AOAH: variants seen among roughly 807,000 people sequenced by gnomAD.
AOAH encodes the protein acyloxyacyl hydrolase (neutrophil).
In AOAH, 64 loss-of-function variants were observed where a neutral mutation model predicts 92.2. The observed-to-expected ratio is 0.69, with a 90% CI of 0.57 to 0.86. The LOEUF (loss-of-function observed/expected upper bound fraction) is 0.86, where lower values mean the gene tolerates loss of function less well. Among genes scored for constraint, AOAH ranks in the 40% least tolerant of loss-of-function variants. The probability of loss-of-function intolerance (pLI) is 0.00; values close to 1 mark genes in which losing one functional copy is unlikely to be tolerated. For missense variants in AOAH, 656 were observed against 694.6 expected (o/e 0.94, Z 0.62); for synonymous variants, 263 against 254.5 (o/e 1.03, Z -0.32).
chr7:36,634,431 T>C (rs1793371901), intron 5 of AOAH, among the ~76,000 whole-genome samples: 1 of 152,134 alleles, frequency 6.6e-6, no homozygotes, highest in Non-Finnish European at 1.5e-5. Flanking sequence ...CAGCCCCCAG[T>C]CACGTACCCC....
At chr7:36,679,151 TAA>T (rs1244503195) in intron 2 of AOAH, among the ~76,000 whole-genome samples, 2 of 152,204 alleles carry the variant, frequency 1.3e-5, no homozygotes, top group Admixed American at 6.5e-5. Flanking sequence ...TTCCAATTTG[TAA>T]GTTACCTTCA....
intron 15 of AOAH, among the ~76,000 whole-genome samples, chr7:36,545,798 C>G (rs183341450): frequency 1.2e-4 from 19 of 152,270 alleles, no homozygotes; most frequent in Admixed American, 1.2e-3. Flanking sequence ...TTACCATGTT[C>G]GTTTCAGGGA....
chr7:36,589,902 T>C (rs1789624662), intron 12 of AOAH, among the ~76,000 whole-genome samples: 1 of 152,184 alleles, frequency 6.6e-6, no homozygotes, highest in Non-Finnish European at 1.5e-5. Flanking sequence ...GAAAGTGATC[T>C]GAACATGAAG....
rs753577532 is a variant in AOAH, at chr7:36,621,796, A to C, written c.583-16T>G. 2 of 1,613,708 alleles carry C rather than the reference A, an allele frequency of 1.2e-6. No homozygotes were observed. Among genetic ancestry groups the C allele is most frequent in the Non-Finnish European group, 1.7e-6 (2 of 1,179,618 alleles). On this transcript the variant is annotated splice_polypyrimidine_tract_variant and intron_variant, in intron 7 of 20. Coordinates refer to ENST00000617537, the MANE Select transcript of AOAH (RefSeq NM_001637.4). ...CCCGCAGTGTCTGAAATTGAAGAGC[A>C]CACACAGGAGGGGTTCAGCCTGCTT...
At chr7:36,515,163 ACACACACAAACATCACACATACCCCC>A (rs1171569285) in intron 20 of AOAH, among the ~76,000 whole-genome samples, 16 of 122,202 alleles carry the variant, frequency 1.3e-4, no homozygotes, top group Admixed American at 9.0e-5. Context: ...ACCCCACACC[ACACACACAAACATCACACATACCCCC>A]CACACACCAC....
Position 36,565,823 on chromosome 7 carries a change from G to A in AOAH, c.1021+10751C>T, listed in dbSNP as rs1787667541. Among the ~76,000 whole-genome samples the A allele has an allele frequency of 2.0e-5, 3 of 152,086 alleles. No individual in the cohort carries two copies. The South Asian group carries it at 6.2e-4, about 32-fold the overall frequency. ...CCCAATGTGTTGAGATTACAGGCATGAGACACCGTGCCTGGCCAAATGTGA... is the reference window on the plus strand; with the variant it reads ...CCCAATGTGTTGAGATTACAGGCATAAGACACCGTGCCTGGCCAAATGTGA... On this transcript the variant is annotated intron_variant, in intron 13 of 20. Transcript: ENST00000617537.
At chr7:36,699,901 GT>G (rs1288758859) in intron 1 of AOAH, among the ~76,000 whole-genome samples, 1 of 151,872 alleles carries the variant, frequency 6.6e-6, no homozygotes, top group East Asian at 1.9e-4. Context: ...CTCCCCCAAT[GT>G]TTTCTTCTAG....
chr7:36,638,714 T>G (rs1445763319), intron 4 of AOAH, among the ~76,000 whole-genome samples: 1 of 152,168 alleles, frequency 6.6e-6, no homozygotes, highest in Non-Finnish European at 1.5e-5. Flanking sequence ...GCCTGCTACC[T>G]GTACAGCCCT....
chr7:36,557,271 T>G, intron 13 of AOAH, among the ~76,000 whole-genome samples: 1 of 152,236 alleles, frequency 6.6e-6, no homozygotes, highest in Non-Finnish European at 1.5e-5. Context: ...TATGAAATTC[T>G]GGGTTGAAAA....
chr7:36,696,637 GGA>G lies in AOAH; in HGVS notation c.128-9845_128-9844del, dbSNP rs1797728365. 7.9e-5 allele frequency among the ~76,000 whole-genome samples: 12 copies of G among 152,208 alleles called. No individual in the cohort carries two copies. In the South Asian group the frequency reaches 2.5e-3, roughly 32 times the overall value. On this transcript the variant is annotated intron_variant, in intron 1 of 20. Coordinates refer to ENST00000617537, the MANE Select transcript of AOAH (RefSeq NM_001637.4). ...AGCACTTTGGGAGGCTGAGGCGGGT[GGA>G]TCATGAGGTCAGGAGTTCAAGACCA...
chr7:36,585,365 A>G (rs758263170), intron 12 of AOAH, among the ~76,000 whole-genome samples: 3 of 152,200 alleles, frequency 2.0e-5, no homozygotes, highest in Non-Finnish European at 4.4e-5. Context: ...AACAATATCC[A>G]GTATTGGCAA....
chr7:36,590,661 A>C (rs1789678255), intron 12 of AOAH, among the ~76,000 whole-genome samples: 1 of 152,226 alleles, frequency 6.6e-6, no homozygotes, highest in Non-Finnish European at 1.5e-5. Context: ...CCATAGCAGA[A>C]GGCTGATCAT....
intron 13 of AOAH, among the ~76,000 whole-genome samples, chr7:36,550,666 C>T (rs996227234): frequency 1.3e-5 from 2 of 152,160 alleles, no homozygotes; most frequent in Non-Finnish European, 2.9e-5. Flanking sequence ...GTCTTTTTGT[C>T]CCCAAGAGAC....
At chr7:36,517,214 C>CTTTCTTT (rs59205788) in intron 20 of AOAH, among the ~76,000 whole-genome samples, 2 of 104,830 alleles carry the variant, frequency 1.9e-5, no homozygotes, top group African/African-American at 4.0e-5. Context: ...TTCTTTCTTT[C>CTTTCTTT]TCTTTCTTTC....
chr7:36,652,488 G>C (rs1250924131), intron 4 of AOAH, among the ~76,000 whole-genome samples: 1 of 152,158 alleles, frequency 6.6e-6, no homozygotes, highest in Non-Finnish European at 1.5e-5. Context: ...TGGCCTCACT[G>C]AGTGCAGGCT....
chr7:36,628,478 T>C (rs1219103734), intron 6 of AOAH, among the ~76,000 whole-genome samples: 1 of 152,156 alleles, frequency 6.6e-6, no homozygotes, highest in East Asian at 1.9e-4. Context: ...TTCATTGAGC[T>C]CCTCCTGCTA....
chr7:36,549,062 A>C (rs1562557854), intron 14 of AOAH, among the ~76,000 whole-genome samples: 1 of 152,204 alleles, frequency 6.6e-6, no homozygotes, highest in Non-Finnish European at 1.5e-5. Flanking sequence ...CCGTGGACCC[A>C]TAGTCAACTT....
intron 11 of AOAH, among the ~76,000 whole-genome samples, chr7:36,607,324 T>C (rs956774331): frequency 5.3e-5 from 8 of 152,184 alleles, no homozygotes; most frequent in African/African-American, 1.9e-4. Flanking sequence ...TGCCAGACAA[T>C]ACGATCAGGT....
At chr7:36,655,052 A>T (rs542631485) in intron 4 of AOAH, among the ~76,000 whole-genome samples, 3 of 152,198 alleles carry the variant, frequency 2.0e-5, no homozygotes, top group African/African-American at 7.2e-5. Context: ...CCATATACCA[A>T]GTAAGTATGT....
Sources: gnomAD v4.1 joint callset for allele counts (sites outside exome capture counted in the v4.1 genomes callset) on GRCh38, gnomAD v4.1.1 for gene constraint, MANE v1.5 for transcripts, NCBI Gene and HGNC (gene_info 2026-07-23, HGNC 2026-07-21) for gene names.